The following ST3GAL5 variants were observed in gnomAD, a reference collection of about 807,000 sequenced individuals.
ST3GAL5 encodes ST3 beta-galactoside alpha-2,3-sialyltransferase 5.
In ST3GAL5, 25 loss-of-function variants were observed where a neutral mutation model predicts 46.1. That is an observed-to-expected ratio of 0.54 (90% CI 0.40 to 0.76). The LOEUF (loss-of-function observed/expected upper bound fraction) is 0.76. Ranked by LOEUF, ST3GAL5 falls within the 30% of genes least tolerant of loss-of-function variation. The pLI, the probability that ST3GAL5 is intolerant of heterozygous loss-of-function variation, is 0.00. For missense variants in ST3GAL5, 431 were observed against 521.2 expected, an observed-to-expected ratio of 0.83 and a Z score of 1.69; for synonymous variants, 182 against 192.7, an observed-to-expected ratio of 0.94 and a Z score of 0.46.
intron 1 of ST3GAL5, chr2:85,888,204 C>T (rs1486651109): frequency 1.3e-5 from 2 of 152,288 alleles, no homozygotes; most frequent in Non-Finnish European, 2.9e-5. Context: ...CGGGGATGCT[C>T]TCGGAAAACC....
intron 3 of ST3GAL5, among the ~76,000 whole-genome samples, chr2:85,856,623 G>A (rs1454849815): frequency 6.6e-6 from 1 of 151,770 alleles, no homozygotes; most frequent in African/African-American, 2.4e-5. Flanking sequence ...GGGCTGGAGT[G>A]CAGTGGCATG....
At chr2:85,851,795 C>G (rs1310060984) in intron 3 of ST3GAL5, 7 of 1,134,168 alleles carry the variant, frequency 6.2e-6, no homozygotes, top group Non-Finnish European at 8.2e-6. Context: ...GCCTGGGTGG[C>G]ATTCATCCAG....
At chr2:85,883,918 G>C (rs1326095589) in intron 1 of ST3GAL5, among the ~76,000 whole-genome samples, 2 of 152,164 alleles carry the variant, frequency 1.3e-5, no homozygotes, top group African/African-American at 4.8e-5. Flanking sequence ...CTGCCCAGGA[G>C]CCCACTCACC....
chr2:85,869,140 C>T (rs931757723), intron 1 of ST3GAL5, among the ~76,000 whole-genome samples: 4 of 152,202 alleles, frequency 2.6e-5, no homozygotes, highest in Non-Finnish European at 4.4e-5. Flanking sequence ...CCTTCAAACT[C>T]CTGGGCTCAA....
At chr2:85,853,186 A>G (rs1683728312) in intron 3 of ST3GAL5, 17 of 837,088 alleles carry the variant, frequency 2.0e-5, no homozygotes, top group Non-Finnish European at 2.7e-5. Flanking sequence ...CGTCTCTCTT[A>G]AAACATCTTT....
chr2:85,860,484 T>C (rs991173923), intron 3 of ST3GAL5, among the ~76,000 whole-genome samples: 1 of 152,208 alleles, frequency 6.6e-6, no homozygotes, highest in African/African-American at 2.4e-5. Context: ...TGTCACTTGA[T>C]TTGGAAACAT....
At chr2:85,852,783 A>T in intron 3 of ST3GAL5, 1 of 879,348 alleles carries the variant, frequency 1.1e-6, no homozygotes, top group Non-Finnish European at 1.6e-6. Flanking sequence ...GGCTGGACTC[A>T]GTTCTAGATT....
At chr2:85,852,888 A>G (rs2103993970) in intron 3 of ST3GAL5, 4 of 1,303,856 alleles carry the variant, frequency 3.1e-6, no homozygotes, top group Non-Finnish European at 4.0e-6. Flanking sequence ...AGGCCTGGAA[A>G]GCGGGGAGCA....
At chr2:85,842,072 C>G (rs916919429) in intron 6 of ST3GAL5, among the ~76,000 whole-genome samples, 2 of 152,144 alleles carry the variant, frequency 1.3e-5, no homozygotes, top group East Asian at 3.8e-4. Flanking sequence ...CTCCAGAGTT[C>G]ACAGATTCAG....
At chr2:85,851,577 C>G (rs1319264288) in intron 3 of ST3GAL5, 1 of 1,289,448 alleles carries the variant, frequency 7.8e-7, no homozygotes, top group African/African-American at 1.5e-5. Context: ...TTCCTCAGAG[C>G]TTGTCCCACA....
At chr2:85,870,903 G>C (rs1170036336) in intron 1 of ST3GAL5, among the ~76,000 whole-genome samples, 2 of 152,048 alleles carry the variant, frequency 1.3e-5, no homozygotes, top group Non-Finnish European at 2.9e-5. Flanking sequence ...GACCTCAGGT[G>C]ATCCGCCCGC....
intron 3 of ST3GAL5, chr2:85,851,646 G>A (rs1221441846): frequency 1.6e-6 from 2 of 1,289,316 alleles, no homozygotes; most frequent in Non-Finnish European, 2.0e-6. Context: ...TCCACTGCTT[G>A]CCCATAGCTC....
At position 85,837,231 on chromosome 2, in the gene ST3GAL5, A is replaced by G. The variant is rs1028184091; in HGVS notation, c.*2913T>C. Reference sequence around the variant, plus strand: ...TGAATGAATAAAGAAAATGTGGTATATATACACAATGGAATATTATTCTGC... The same window carrying G: ...TGAATGAATAAAGAAAATGTGGTATGTATACACAATGGAATATTATTCTGC... On this transcript the variant is annotated 3_prime_UTR_variant, in exon 7 of 7. Transcript: ENST00000638572. The G allele has an allele frequency of 6.6e-6, 1 of 152,266 alleles. No individual in the cohort carries two copies. The highest frequency in any genetic ancestry group is 1.5e-5 in the Non-Finnish European group (1 of 68,046). 9.4% of individuals were successfully genotyped at this position (152,266 alleles called of 1,614,324 possible).
intron 1 of ST3GAL5, chr2:85,888,541 G>C: frequency 4.1e-6 from 1 of 242,400 alleles, no homozygotes; most frequent in Non-Finnish European, 7.9e-6. Flanking sequence ...GGAAAGCGGC[G>C]GGGAAAGGGC....
intron 2 of ST3GAL5, 144 bp downstream of exon 2, chr2:85,863,218 G>T: frequency 6.8e-7 from 1 of 1,469,336 alleles, no homozygotes; most frequent in Non-Finnish European, 9.4e-7. Context: ...TTACTCAGAC[G>T]TGCCTTTGAA....
chr2:85,881,765 A>T (rs1687177194), intron 1 of ST3GAL5, among the ~76,000 whole-genome samples: 1 of 104,448 alleles, frequency 9.6e-6, no homozygotes, highest in Non-Finnish European at 2.0e-5. Context: ...AAGTTGAGAA[A>T]ATTTGCAGCC....
In ST3GAL5 at chr2:85,846,362, A is replaced by C. The variant is rs768216151; in HGVS notation, c.849+15T>G. 34 of 1,612,182 alleles carry C rather than the reference A, an allele frequency of 2.1e-5. No individual in the cohort carries two copies. The highest frequency in any genetic ancestry group is 2.7e-5 in the Non-Finnish European group (32 of 1,178,742). On this transcript the variant is annotated intron_variant, in intron 5 of 6. Transcript: ENST00000638572. ...TTTTTACTAAGGCAGATTTAATAGA[A>C]GTATTAGTGCTTACCAGGGTTTCCT...
Position 85,867,693 on chromosome 2 carries a change from T to C in ST3GAL5, c.83-4208A>G, listed in dbSNP as rs1685437383. Reference sequence around the variant, plus strand: ...CAGACTGAGGGTGTATACACCCAGGTCTTAAATACCATACTGAAGGAATGT... The same window carrying C: ...CAGACTGAGGGTGTATACACCCAGGCCTTAAATACCATACTGAAGGAATGT... On this transcript the variant is annotated intron_variant, in intron 1 of 6. Coordinates refer to ENST00000638572, the MANE Select transcript of ST3GAL5 (RefSeq NM_003896.4). 4 of 779,738 alleles carry C rather than the reference T, an allele frequency of 5.1e-6. No individual in the cohort carries two copies. The Admixed American group carries it at 6.8e-5, about 13-fold the overall frequency. 48.3% of individuals were successfully genotyped at this position (779,738 alleles called of 1,614,324 possible).
intron 1 of ST3GAL5, 79 bp from the exon 2 acceptor site, chr2:85,863,564 C>G: frequency 6.6e-7 from 1 of 1,508,474 alleles, no homozygotes; most frequent in Non-Finnish European, 9.2e-7. Flanking sequence ...TTCAAAGAGC[C>G]TTTATATGTT....
Sources: allele counts gnomAD v4.1 joint callset (sites outside exome capture counted in the v4.1 genomes callset), GRCh38; gene constraint gnomAD v4.1.1; transcripts MANE v1.5; gene names NCBI Gene and HGNC (gene_info 2026-07-23, HGNC 2026-07-21).